DLX1: variants seen among roughly 807,000 people sequenced by gnomAD.
DLX1 encodes the protein homeobox protein DLX-1.
A neutral mutation model predicts 25.0 loss-of-function variants in DLX1; 7 were observed. The ratio of observed to expected loss-of-function variants is 0.28; its 90% CI spans 0.16 to 0.52. DLX1 has a LOEUF of 0.52. DLX1 is among the 20% of genes least tolerant of loss of function. The pLI is 0.96. For synonymous variants in DLX1, 155 were observed against 140.3 expected, an observed-to-expected ratio of 1.10 and a Z score of -0.74; for missense variants, 233 against 334.4, an observed-to-expected ratio of 0.70 and a Z score of 2.37.
rs1402292318 is a variant in DLX1 at position 172,085,961 on chromosome 2, G to T, written c.284G>T (p.Ser95Ile). ...SSVQSYPGSA[S>I]LAQSRLEDPG... ...GTGCAGTCCTACCCGGGCAGCGCCA[G>T]CCTCGCCCAGAGCCGCCTGGAGGAC... The change falls in exon 1 of 3, where the codon AGC (serine) becomes ATC (isoleucine). Residue 95 changes from serine (S) to isoleucine (I), a missense_variant. Coordinates refer to ENST00000361725, the MANE Select transcript of DLX1 (RefSeq NM_178120.5). The surrounding 1 kb of genome is among the most constrained non-coding windows in gnomAD (Gnocchi z 4.3). The T allele has an allele frequency of 1.5e-5, 25 of 1,613,520 alleles. No homozygotes were observed. Among genetic ancestry groups the T allele is most frequent in the Non-Finnish European group, 2.1e-5 (25 of 1,179,676 alleles).
rs1210796216 is a variant in DLX1, at chr2:172,088,399, C to A, written c.*142C>A. On this transcript the variant is annotated 3_prime_UTR_variant, in exon 3 of 3. Transcript: ENST00000361725. ...CGCCCTCCATCTCCTCGGAGCCCCG[C>A]GAGGTCCGGCCCAGCAACTTCCCGG... The A allele has an allele frequency of 3.5e-6, 4 of 1,146,916 alleles. No homozygotes were observed. The African/African-American group carries it at 4.8e-5, about 14-fold the overall frequency. 71.0% of individuals were successfully genotyped at this position (1,146,916 alleles called of 1,614,324 possible). A position where few individuals can be genotyped will look rare whatever the true frequency, so the allele number is the denominator to read the frequency against.
In DLX1 at chr2:172,088,646, C is replaced by A. The variant is rs1690909859; in HGVS notation, c.*389C>A. On this transcript the variant is annotated 3_prime_UTR_variant, in exon 3 of 3. Coordinates refer to ENST00000361725, the MANE Select transcript of DLX1 (RefSeq NM_178120.5). Reference sequence around the variant, plus strand: ...TTTCTGTCCTGTCAGTCTCCTGTCTCCTTTTGCTCTGTCTGTGCGCTGGTA... The same window carrying A: ...TTTCTGTCCTGTCAGTCTCCTGTCTACTTTTGCTCTGTCTGTGCGCTGGTA... 6.0e-6 allele frequency: 1 copy of A among 166,024 alleles called. No homozygotes were observed. The highest frequency in any genetic ancestry group is 1.3e-5 in the Non-Finnish European group (1 of 77,254). The allele number at this position is 166,024 out of a possible 1,614,324, so 10.3% of individuals were successfully genotyped here. A position where few individuals can be genotyped will look rare whatever the true frequency, so the allele number is the denominator to read the frequency against.
At position 172,086,787 on chromosome 2, in the gene DLX1, A is replaced by C; in HGVS notation, c.447A>C (p.Gln149His). 2 of 1,614,052 alleles carry C rather than the reference A, an allele frequency of 1.2e-6. No homozygotes were observed. The highest frequency in any genetic ancestry group is 1.6e-4 in the Middle Eastern group (1 of 6,062). The change falls in exon 2 of 3, where the codon CAA becomes CAC. Residue 149 changes from glutamine to histidine, a missense_variant. Physicochemically the swap from Gln to His is conservative, Grantham distance 24. This residue lies in a region of DLX1 where 23 missense variants were observed against 82.2 expected (regional missense o/e 0.28). Transcript: ENST00000361725. ...QLQALNRRFQ[Q>H]TQYLALPERA... is the part of the protein sequence containing the mutation. ...AGGCTTTGAACCGGAGGTTCCAGCA[A>C]ACTCAGTACCTAGCTCTGCCGGAGA...
Position 172,085,538 on chromosome 2 carries a change from C to A in DLX1, c.-140C>A. The stretch of plus-strand genomic sequence containing the variant: ...ATCATGCTTAGACTTTTCAAAGAGA[C>A]AAACTCCATTTTCTTATGAATGGAA... On this transcript the variant is annotated 5_prime_UTR_variant, in exon 1 of 3. Transcript: ENST00000361725. This position sits in a 1 kb window ranked among gnomAD's most constrained non-coding sequence, Gnocchi z 4.3. 1 of 894,738 alleles carries A rather than the reference C, an allele frequency of 1.1e-6. No individual in the cohort carries two copies. Among genetic ancestry groups the A allele is most frequent in the Non-Finnish European group, 1.7e-6 (1 of 589,484 alleles). 55.4% of individuals were successfully genotyped at this position (894,738 alleles called of 1,614,324 possible).
At position 172,088,127 on chromosome 2, in the gene DLX1, C is replaced by T. The variant is rs747883157; in HGVS notation, c.638C>T (p.Pro213Leu). 2 of 1,609,242 alleles carry T rather than the reference C, an allele frequency of 1.2e-6. No homozygotes were observed. Among genetic ancestry groups the T allele is most frequent in the Middle Eastern group, 1.7e-4 (1 of 6,040 alleles). The change falls in exon 3 of 3, where the codon CCG becomes CTG. Residue 213 changes from proline (P) to leucine (L), a missense_variant. Transcript: ENST00000361725. ...RALSAGSPPVPPGWNPNSSSG... is the reference protein window; with the variant it reads ...RALSAGSPPVLPGWNPNSSSG... ...CTGTCTGCTGGCTCCCCACCCGTGC[C>T]GCCCGGCTGGAACCCTAACTCTTCA...
chr2:172,088,093 G>T lies in DLX1; in HGVS notation c.604G>T (p.Gly202Cys), dbSNP rs2105521057. Reference sequence around the variant, plus strand: ...TCTGGAGGGTAGTGCGTTGGCCAACGGTCGGGCCCTGTCTGCTGGCTCCCC... The same window carrying T: ...TCTGGAGGGTAGTGCGTTGGCCAACTGTCGGGCCCTGTCTGCTGGCTCCCC... ...AALEGSALAN[G>C]RALSAGSPPV... is the part of the protein sequence containing the mutation. Residue 202 changes from glycine (G) to cysteine (C), a missense_variant, in exon 3 of 3, where the codon GGT becomes TGT. Around this residue, in one of 3 missense-constraint regions of DLX1, gnomAD observed 84 missense variants for 81.8 expected, o/e 1.03. Coordinates refer to ENST00000361725, the MANE Select transcript of DLX1 (RefSeq NM_178120.5). 2 of 1,597,034 alleles carry T rather than the reference G, an allele frequency of 1.3e-6. No individual in the cohort carries two copies. The highest frequency in any genetic ancestry group is 1.7e-6 in the Non-Finnish European group (2 of 1,172,052).
chr2:172,086,613 C>G (rs1281999128), intron 1 of DLX1, 41 bp from the exon 2 acceptor site: 1 of 1,506,230 alleles, frequency 6.6e-7, no homozygotes, highest in Non-Finnish European at 8.9e-7. Flanking sequence ...AAAGGCGGCC[C>G]CTCGTATTAA....
At chr2:172,087,648 G>C (rs913705404) in intron 2 of DLX1, 11 of 526,688 alleles carry the variant, frequency 2.1e-5, no homozygotes, top group Admixed American at 1.3e-4. Flanking sequence ...TATTGGAATT[G>C]CTGGCTCGGT....
chr2:172,087,662 A>C, intron 2 of DLX1: 1 of 550,378 alleles, frequency 1.8e-6, no homozygotes, highest in Non-Finnish European at 3.5e-6. Context: ...GCTCGGTGTT[A>C]TGCAGGCGCT....
Position 172,088,319 on chromosome 2 carries a change from C to A in DLX1, c.*62C>A. On this transcript the variant is annotated 3_prime_UTR_variant, in exon 3 of 3. Transcript: ENST00000361725. ...AGGTCCCTCCCGCCTCCAGGTCCATCCATCCCGTCCGGAAAAGAAGGACCC... is the reference window on the plus strand; with the variant it reads ...AGGTCCCTCCCGCCTCCAGGTCCATACATCCCGTCCGGAAAAGAAGGACCC... 1.4e-6 allele frequency: 2 copies of A among 1,409,498 alleles called. No homozygotes were observed. Among genetic ancestry groups the A allele is most frequent in the Non-Finnish European group, 9.3e-7 (1 of 1,075,080 alleles). 87.3% of individuals were successfully genotyped at this position (1,409,498 alleles called of 1,614,324 possible).
chr2:172,086,212 C>A, intron 1 of DLX1: 1 of 586,100 alleles, frequency 1.7e-6, no homozygotes, highest in Non-Finnish European at 3.0e-6. Context: ...CAATTTGCAA[C>A]TATCCAGCCA....
At chr2:172,087,437 T>C in intron 2 of DLX1, 1 of 434,500 alleles carries the variant, frequency 2.3e-6, no homozygotes, top group Admixed American at 2.5e-5. Context: ...GTCCGGGATT[T>C]GGAGCAGAGC....
Position 172,088,614 on chromosome 2 carries a change from A to C in DLX1, c.*357A>C. The C allele has an allele frequency of 9.6e-6, 2 of 208,140 alleles. No homozygotes were observed. Among genetic ancestry groups the C allele is most frequent in the Non-Finnish European group, 9.6e-6 (1 of 104,594 alleles). The allele number at this position is 208,140 out of a possible 1,614,324, so 12.9% of individuals were successfully genotyped here. A position where few individuals can be genotyped will look rare whatever the true frequency, so the allele number is the denominator to read the frequency against. ...CAAAAACAAAATGTAGAAAAAGCAA[A>C]AGCTCTTTTCTGTCCTGTCAGTCTC... On this transcript the variant is annotated 3_prime_UTR_variant, in exon 3 of 3. Coordinates refer to ENST00000361725, the MANE Select transcript of DLX1 (RefSeq NM_178120.5).
chr2:172,087,879 G>A, intron 2 of DLX1, 124 bp from the exon 3 acceptor site: 1 of 1,326,862 alleles, frequency 7.5e-7, no homozygotes, highest in Non-Finnish European at 1.0e-6. Flanking sequence ...CTGGCAGGGA[G>A]CTGCCAGCTG....
chr2:172,086,576 A>G, intron 1 of DLX1, 78 bp from the exon 2 acceptor site: 1 of 1,375,412 alleles, frequency 7.3e-7, no homozygotes, highest in Non-Finnish European at 9.9e-7. Flanking sequence ...ACCCTTCGGT[A>G]GCCACTCGCT....
chr2:172,088,449 G>A lies in DLX1; in HGVS notation c.*192G>A. Reference sequence around the variant, plus strand: ...GCATCCGCGCTCTAGCCTGAACCCTGGCCTGGGCCGAGCAGTGGCAGCAGA... The same window carrying A: ...GCATCCGCGCTCTAGCCTGAACCCTAGCCTGGGCCGAGCAGTGGCAGCAGA... On this transcript the variant is annotated 3_prime_UTR_variant, in exon 3 of 3. Transcript: ENST00000361725. 1.5e-6 allele frequency: 1 copy of A among 658,802 alleles called. No homozygotes were observed. The highest frequency in any genetic ancestry group is 3.4e-5 in the East Asian group (1 of 29,112). The allele number at this position is 658,802 out of a possible 1,614,324, so 40.8% of individuals were successfully genotyped here. A position where few individuals can be genotyped will look rare whatever the true frequency, so the allele number is the denominator to read the frequency against.
chr2:172,089,009 C>G lies in DLX1; in HGVS notation c.*752C>G, dbSNP rs1690919943. 6.6e-6 allele frequency: 1 copy of G among 152,220 alleles called. No individual in the cohort carries two copies. Among genetic ancestry groups the G allele is most frequent in the Non-Finnish European group, 1.5e-5 (1 of 68,044 alleles). 9.4% of individuals were successfully genotyped at this position (152,220 alleles called of 1,614,324 possible). The stretch of plus-strand genomic sequence containing the variant: ...TTTATACAGTAACTTTTGTACTTCT[C>G]TGGTATGGAGAGTTTGGAGCCGAAT... On this transcript the variant is annotated 3_prime_UTR_variant, in exon 3 of 3. Coordinates refer to ENST00000361725, the MANE Select transcript of DLX1 (RefSeq NM_178120.5).
chr2:172,086,154 A>G lies in DLX1; in HGVS notation c.313+164A>G, dbSNP rs1690835335. On this transcript the variant is annotated intron_variant, in intron 1 of 2. Coordinates refer to ENST00000361725, the MANE Select transcript of DLX1 (RefSeq NM_178120.5). ...GGGAGCAGTGGAGGTTTCGAATATC[A>G]ATCTATAGATCCTTGTCACAGCAAA... The G allele has an allele frequency of 4.5e-6, 3 of 665,598 alleles. No individual in the cohort carries two copies. The Admixed American group carries it at 8.9e-5, about 20-fold the overall frequency. 41.2% of individuals were successfully genotyped at this position (665,598 alleles called of 1,614,324 possible).
rs564118456 is a variant in DLX1 at position 172,086,260 on chromosome 2, C to A, written c.313+270C>A. ...AGAGCGTCTCCTGGCACTGGCTGGG[C>A]CTCTGGGCGGCTCGGTGTGCAGAGC... On this transcript the variant is annotated intron_variant, in intron 1 of 2. Coordinates refer to ENST00000361725, the MANE Select transcript of DLX1 (RefSeq NM_178120.5). 2.0e-4 allele frequency: 106 copies of A among 535,348 alleles called. 1 individual carries two copies. The South Asian group carries it at 2.8e-3, about 14-fold the overall frequency. The allele number at this position is 535,348 out of a possible 1,614,324, so 33.2% of individuals were successfully genotyped here. A position where few individuals can be genotyped will look rare whatever the true frequency, so the allele number is the denominator to read the frequency against.
Sources: allele counts gnomAD v4.1 joint callset, GRCh38; gene constraint gnomAD v4.1.1; regional missense constraint gnomAD v4.1.1; non-coding constraint Gnocchi (gnomAD v3.1); transcripts MANE v1.5; gene names NCBI Gene and HGNC (gene_info 2026-07-23, HGNC 2026-07-21).